Variants in PTPRN2 observed in about 807,000 individuals in gnomAD.
PTPRN2 encodes the protein receptor-type tyrosine-protein phosphatase N2.
A neutral mutation model predicts 118.8 loss-of-function variants in PTPRN2; 74 were observed. That is an observed-to-expected ratio of 0.62 (90% CI 0.52 to 0.76). The LOEUF (loss-of-function observed/expected upper bound fraction) is 0.76, where lower values mean the gene tolerates loss of function less well. Ranked by LOEUF, PTPRN2 falls within the 30% of genes least tolerant of loss-of-function variation. The pLI is 0.00. For missense variants in PTPRN2, 1,481 were observed against 1,394.4 expected, an observed-to-expected ratio of 1.06 and a Z score of -0.99; for synonymous variants, 641 against 608.0, an observed-to-expected ratio of 1.05 and a Z score of -0.80.
At chr7:157,851,106 C>T (rs1035495510) in intron 12 of PTPRN2, among the ~76,000 whole-genome samples, 3 of 152,190 alleles carry the variant, frequency 2.0e-5, no homozygotes, top group Non-Finnish European at 4.4e-5. Context: ...AGCCTCCAGC[C>T]GCTCCTGTGC....
chr7:158,367,615 TGTAA>T (rs1273500254), intron 2 of PTPRN2, among the ~76,000 whole-genome samples: 1 of 152,146 alleles, frequency 6.6e-6, no homozygotes, highest in Non-Finnish European at 1.5e-5. Context: ...GAAATTACGT[TGTAA>T]GTGAGCCTCA....
At chr7:157,732,104 C>G (rs77992914) in intron 12 of PTPRN2, among the ~76,000 whole-genome samples, 1 of 24,300 alleles carries the variant, frequency 4.1e-5, no homozygotes, top group Non-Finnish European at 8.3e-5. Flanking sequence ...TCCCGTCCCA[C>G]GCGCCCAGCA....
At chr7:158,040,728 TTTTC>T (rs1287083174) in intron 11 of PTPRN2, among the ~76,000 whole-genome samples, 16 of 120,998 alleles carry the variant, frequency 1.3e-4, no homozygotes, top group Middle Eastern at 4.1e-3. Flanking sequence ...GCCTTTCTTT[TTTTC>T]TTTCTTTTTT....
At chr7:158,334,401 A>C (rs866049858) in intron 2 of PTPRN2, among the ~76,000 whole-genome samples, 614 of 24,972 alleles carry the variant, frequency 0.025, 19 homozygotes, top group Non-Finnish European at 0.034. Flanking sequence ...CACTCTCACC[A>C]TAAGAGGTGA....
intron 11 of PTPRN2, among the ~76,000 whole-genome samples, chr7:158,077,217 C>T (rs1449081423): frequency 1.3e-5 from 2 of 152,290 alleles, no homozygotes; most frequent in African/African-American, 4.8e-5. Context: ...AGGGGAGCCT[C>T]TTCCTCCATG....
chr7:158,390,439 G>A (rs1457795498), intron 2 of PTPRN2, among the ~76,000 whole-genome samples: 2 of 152,234 alleles, frequency 1.3e-5, no homozygotes, highest in Non-Finnish European at 2.9e-5. Flanking sequence ...GTTATGAGGT[G>A]AGACCTGCGG....
intron 9 of PTPRN2, among the ~76,000 whole-genome samples, chr7:158,121,499 G>A (rs914987864): frequency 3.1e-4 from 47 of 152,266 alleles, no homozygotes; most frequent in Non-Finnish European, 6.8e-4. Flanking sequence ...TGCCCCCTGC[G>A]GAGCATAAGC....
At position 157,794,062 on chromosome 7, in the gene PTPRN2, G is replaced by C. The variant is rs1267402821; in HGVS notation, c.1788+104611C>G. On this transcript the variant is annotated intron_variant, in intron 12 of 22. Transcript: ENST00000389418. The surrounding 1 kb of genome is among the most constrained non-coding windows in gnomAD (Gnocchi z 5.2). ...CCTCGAGGGGCCCAGGACAAGCTCG[G>C]GGCCCAGGTGGCCGGGAGGGGGCCG... 5.9e-5 allele frequency among the ~76,000 whole-genome samples: 9 copies of C among 152,130 alleles called. 1 individual carries two copies. The East Asian group carries it at 1.7e-3, about 29-fold the overall frequency.
intron 2 of PTPRN2, among the ~76,000 whole-genome samples, chr7:158,320,428 T>C (rs1802904536): frequency 6.6e-6 from 1 of 150,598 alleles, no homozygotes; most frequent in South Asian, 2.1e-4. Context: ...GCCCATGTCC[T>C]CACCACAGTG....
At chr7:157,772,216 TAGACAC>T (rs1802892454) in intron 12 of PTPRN2, among the ~76,000 whole-genome samples, 1 of 127,800 alleles carries the variant, frequency 7.8e-6, no homozygotes, top group Non-Finnish European at 1.7e-5. Flanking sequence ...GAGACACACA[TAGACAC>T]AGACACACAC....
rs528400660 is a variant in PTPRN2, at chr7:158,123,893, C to T, written c.1556+9784G>A. Among the ~76,000 whole-genome samples the T allele has an allele frequency of 1.6e-4, 24 of 152,058 alleles. 1 individual carries two copies. The South Asian group carries it at 3.8e-3, about 24-fold the overall frequency. On this transcript the variant is annotated intron_variant, in intron 9 of 22. Transcript: ENST00000389418. ...TCTGATTGGATCTCAGATCCCGTGCCGACCCAGGCGGAACAGGCTCTCTAA... is the reference window on the plus strand; with the variant it reads ...TCTGATTGGATCTCAGATCCCGTGCTGACCCAGGCGGAACAGGCTCTCTAA...
intron 2 of PTPRN2, among the ~76,000 whole-genome samples, chr7:158,367,667 G>A (rs1809643021): frequency 6.6e-6 from 1 of 152,160 alleles, no homozygotes; most frequent in African/African-American, 2.4e-5. Flanking sequence ...AGAAGTCTGG[G>A]ATAAGCTCTA....
chr7:157,765,917 A>T (rs745880186), intron 12 of PTPRN2, among the ~76,000 whole-genome samples: 35 of 126,612 alleles, frequency 2.8e-4, no homozygotes, highest in Non-Finnish European at 5.6e-4. Context: ...TCCATCCATC[A>T]TCCATTCTTC....
intron 2 of PTPRN2, among the ~76,000 whole-genome samples, chr7:158,323,482 G>A (rs28613472): frequency 0.024 from 3,580 of 152,290 alleles, 151 homozygotes; most frequent in African/African-American, 0.082. Context: ...GATGAACAGG[G>A]CCCAGGACAA....
At position 157,957,102 on chromosome 7, in the gene PTPRN2, G is replaced by A. The variant is rs572125006; in HGVS notation, c.1724-58365C>T. Among the ~76,000 whole-genome samples, 3 of 152,312 alleles carry A rather than the reference G, an allele frequency of 2.0e-5. No homozygotes were observed. In the East Asian group the frequency reaches 5.8e-4, roughly 29 times the overall value. On this transcript the variant is annotated intron_variant, in intron 11 of 22. Transcript: ENST00000389418. ...CATTTGACCTCCATGGCTCAGAGAG[G>A]TTCAGAAGGGTTAATAAACAGCTCA...
intron 1 of PTPRN2, among the ~76,000 whole-genome samples, chr7:158,524,376 T>C (rs371762592): frequency 6.1e-4 from 51 of 83,134 alleles, no homozygotes; most frequent in East Asian, 1.2e-3. Flanking sequence ...TGCCCTGGAG[T>C]GGAGTCTGCC....
At chr7:158,296,004 T>C (rs1800474553) in intron 3 of PTPRN2, among the ~76,000 whole-genome samples, 1 of 152,228 alleles carries the variant, frequency 6.6e-6, no homozygotes. Context: ...TTGCTTCTGA[T>C]ATGGGAGATG....
intron 1 of PTPRN2, among the ~76,000 whole-genome samples, chr7:158,581,877 T>G (rs1331553749): frequency 1.3e-5 from 2 of 152,240 alleles, no homozygotes; most frequent in African/African-American, 4.8e-5. Flanking sequence ...TCCAGCTGCC[T>G]GCAAAAGCCA....
Position 157,903,147 on chromosome 7 carries a change from G to A in PTPRN2, c.1724-4410C>T, listed in dbSNP as rs1302455772. ...GAGCCACACGCTGCCACACACTCTC[G>A]CACGGAAGTGGGAACTACACTCATC... On this transcript the variant is annotated intron_variant, in intron 11 of 22. Transcript: ENST00000389418. This position sits in a 1 kb window ranked among gnomAD's most constrained non-coding sequence, Gnocchi z 4.2. Among the ~76,000 whole-genome samples the A allele has an allele frequency of 1.3e-5, 2 of 152,022 alleles. No individual in the cohort carries two copies. The highest frequency in any genetic ancestry group is 2.4e-5 in the African/African-American group (1 of 41,360).
Sources: gnomAD v4.1 joint callset for allele counts (sites outside exome capture counted in the v4.1 genomes callset) on GRCh38, gnomAD v4.1.1 for gene constraint, Gnocchi (gnomAD v3.1) non-coding constraint, MANE v1.5 for transcripts, NCBI Gene and HGNC (gene_info 2026-07-23, HGNC 2026-07-21) for gene names.